Variants in MBOAT4 observed in about 807,000 individuals in gnomAD.
MBOAT4 encodes the protein membrane bound ghrelin O-acyltransferase MBOAT4, also known as membrane-bound ghrelin O-acyltransferase MBOAT4.
In MBOAT4, 11 loss-of-function variants were observed where a neutral mutation model predicts 13.2. The observed-to-expected ratio is 0.84, with a 90% confidence interval of 0.53 to 1.38. MBOAT4 has a LOEUF of 1.38. MBOAT4 is among the 40% of genes most tolerant of loss of function. MBOAT4 has a pLI of 0.00. For missense variants in MBOAT4, 481 were observed against 527.2 expected, an observed-to-expected ratio of 0.91 and a Z score of 0.86; for synonymous variants, 202 against 210.3, an observed-to-expected ratio of 0.96 and a Z score of 0.34.
intron 2 of MBOAT4, among the ~76,000 whole-genome samples, chr8:30,136,404 C>T (rs900770457): frequency 3.3e-5 from 5 of 152,178 alleles, no homozygotes; most frequent in Admixed American, 2.0e-4. Context: ...GCCCTGCTGA[C>T]GTCATCATCA....
At chr8:30,140,238 T>C (rs1803239592) in intron 1 of MBOAT4, among the ~76,000 whole-genome samples, 1 of 152,172 alleles carries the variant, frequency 6.6e-6, no homozygotes, top group Non-Finnish European at 1.5e-5. Flanking sequence ...AGTTTTGCCA[T>C]GTTGGCCAGG....
In MBOAT4 at chr8:30,138,832, G is replaced by A. The variant is rs1002256066; in HGVS notation, c.120-76C>T. On this transcript the variant is annotated intron_variant, in intron 1 of 2. Transcript: ENST00000320542. ...AGGAATTACTGCAGATGTCACTCCA[G>A]GGAACCCGATCTGGTAGGCCCCACA... is the stretch of plus-strand genomic sequence containing the variant. 16 of 1,180,974 alleles carry A rather than the reference G, an allele frequency of 1.4e-5. No individual in the cohort carries two copies. In the Admixed American group the frequency reaches 2.1e-4, roughly 15 times the overall value. 73.2% of individuals were successfully genotyped at this position (1,180,974 alleles called of 1,614,324 possible).
At chr8:30,135,157 G>T (rs1255256502) in intron 2 of MBOAT4, among the ~76,000 whole-genome samples, 1 of 151,822 alleles carries the variant, frequency 6.6e-6, no homozygotes, top group African/African-American at 2.4e-5. Flanking sequence ...CTCCCAAAGG[G>T]CTGGGATTAT....
chr8:30,141,662 G>C (rs1803262794), intron 1 of MBOAT4, among the ~76,000 whole-genome samples: 1 of 151,730 alleles, frequency 6.6e-6, no homozygotes, highest in Non-Finnish European at 1.5e-5. Flanking sequence ...AGAAAGAAAA[G>C]AAAAGCGAAA....
chr8:30,139,458 T>C (rs565377209), intron 1 of MBOAT4, among the ~76,000 whole-genome samples: 43 of 152,256 alleles, frequency 2.8e-4, no homozygotes, highest in Admixed American at 2.6e-3. Flanking sequence ...AAGAGCGCCC[T>C]AGGCATCCTC....
intron 1 of MBOAT4, among the ~76,000 whole-genome samples, chr8:30,144,139 A>ATT (rs67795918): frequency 0.81 from 120,684 of 148,688 alleles, 50,155 homozygotes; most frequent in Middle Eastern, 0.94. Flanking sequence ...GTATTTCTGA[A>ATT]TTTTTTTTTT....
intron 1 of MBOAT4, among the ~76,000 whole-genome samples, chr8:30,141,250 A>G (rs183170098): frequency 6.6e-6 from 1 of 152,278 alleles, no homozygotes; most frequent in Admixed American, 6.5e-5. Flanking sequence ...GAAGCTTCAC[A>G]TTACGCACAC....
chr8:30,144,475 C>T lies in MBOAT4; in HGVS notation c.119+8G>A. On this transcript the variant is annotated splice_region_variant and intron_variant, in intron 1 of 2. Coordinates refer to ENST00000320542, the MANE Select transcript of MBOAT4 (RefSeq NM_001100916.2). ...GGATGTAAGAGTAAAAATAGCCATC[C>T]AGCCTACCTGGCACGAGTGGAGAAT... The T allele has an allele frequency of 6.5e-7, 1 of 1,536,746 alleles. No individual in the cohort carries two copies. Among genetic ancestry groups the T allele is most frequent in the Non-Finnish European group, 8.8e-7 (1 of 1,134,310 alleles).
chr8:30,136,091 C>T (rs1803132948), intron 2 of MBOAT4, among the ~76,000 whole-genome samples: 1 of 152,132 alleles, frequency 6.6e-6, no homozygotes, highest in African/African-American at 2.4e-5. Flanking sequence ...AGGTAGCCTC[C>T]AAATGCCACC....
At chr8:30,134,514 A>G (rs1803098095) in intron 2 of MBOAT4, among the ~76,000 whole-genome samples, 1 of 152,034 alleles carries the variant, frequency 6.6e-6, no homozygotes, top group African/African-American at 2.4e-5. Context: ...TCCCACTGTA[A>G]TGCCCAATTC....
chr8:30,143,347 C>CAAAAAAAA (rs776274086), intron 1 of MBOAT4, among the ~76,000 whole-genome samples: 7 of 143,598 alleles, frequency 4.9e-5, no homozygotes, highest in African/African-American at 1.1e-4. Context: ...GACTCCGTCT[C>CAAAAAAAA]AAAAAAAAAA....
At chr8:30,144,440 T>C in intron 1 of MBOAT4, 43 bp downstream of exon 1, 1 of 1,405,776 alleles carries the variant, frequency 7.1e-7, no homozygotes, top group Non-Finnish European at 9.8e-7. Context: ...CCAGTCACTA[T>C]AGTATTTCTG....
In MBOAT4 at chr8:30,144,500, T is replaced by C; in HGVS notation, c.102A>G (p.Ser34=). 1 of 1,550,192 alleles carries C rather than the reference T, an allele frequency of 6.5e-7. No homozygotes were observed. Among genetic ancestry groups the C allele is most frequent in the East Asian group, 2.4e-5 (1 of 40,906 alleles). The part of the protein sequence containing the change: ...LLFNYLCIMD[S]FSTRARYLFL... ...CAGCCTACCTGGCACGAGTGGAGAA[T>C]GAATCCATGATGCAGAGATAATTGA... Residue 34 remains serine, a synonymous_variant, in exon 1 of 3, where the codon TCA becomes TCG. Transcript: ENST00000320542.
chr8:30,140,020 T>A (rs1803234590), intron 1 of MBOAT4, among the ~76,000 whole-genome samples: 1 of 152,136 alleles, frequency 6.6e-6, no homozygotes, highest in Non-Finnish European at 1.5e-5. Context: ...ATCTGCACAA[T>A]CACCGCAGAT....
Position 30,132,578 on chromosome 8 carries a change from C to T in MBOAT4, c.673G>A (p.Val225Met). ...LECLNVAVSRVVDAGAGLTDC... is the reference protein window; with the variant it reads ...LECLNVAVSRMVDAGAGLTDC... ...GTCAGTCCCGCTCCTGCATCCACCA[C>T]CCTGCTCACTGCCACGTTTAGGCAT... The change falls in exon 3 of 3, where the codon GTG becomes ATG. Residue 225 changes from valine (V) to methionine (M), a missense_variant. By Grantham distance (21) the Val-to-Met change is conservative. Coordinates refer to ENST00000320542, the MANE Select transcript of MBOAT4 (RefSeq NM_001100916.2). 2 of 1,551,670 alleles carry T rather than the reference C, an allele frequency of 1.3e-6. No individual in the cohort carries two copies. Among genetic ancestry groups the T allele is most frequent in the Admixed American group, 3.9e-5 (2 of 50,988 alleles).
At chr8:30,141,757 T>G (rs1803264533) in intron 1 of MBOAT4, among the ~76,000 whole-genome samples, 2 of 152,184 alleles carry the variant, frequency 1.3e-5, no homozygotes, top group Non-Finnish European at 2.9e-5. Flanking sequence ...CTCTACCAGC[T>G]CAGAACCAGG....
At chr8:30,138,211 C>G in intron 2 of MBOAT4, 1 of 206,226 alleles carries the variant, frequency 4.8e-6, no homozygotes, top group Non-Finnish European at 1.0e-5. Flanking sequence ...ATAAAACTGG[C>G]CTGTCTCCCG....
At position 30,131,930 on chromosome 8, in the gene MBOAT4, C is replaced by A. The variant is rs912593370; in HGVS notation, c.*13G>T. The A allele has an allele frequency of 1.3e-6, 2 of 1,535,764 alleles. No homozygotes were observed. Among genetic ancestry groups the A allele is most frequent in the South Asian group, 1.2e-5 (1 of 82,276 alleles). ...GTTTCCTGGGTGTTTAAGGTGAAAG[C>A]CAGGGAAAGATGTCAGTTACATTTG... On this transcript the variant is annotated 3_prime_UTR_variant, in exon 3 of 3. Transcript: ENST00000320542.
intron 1 of MBOAT4, among the ~76,000 whole-genome samples, chr8:30,139,358 C>G (rs1244050589): frequency 3.3e-5 from 5 of 152,164 alleles, no homozygotes; most frequent in Middle Eastern, 3.4e-3. Context: ...CCCTGACCGT[C>G]CTGGAAGTCT....
Sources: gnomAD v4.1 joint callset for allele counts (sites outside exome capture counted in the v4.1 genomes callset) on GRCh38, gnomAD v4.1.1 for gene constraint, MANE v1.5 for transcripts, NCBI Gene and HGNC (gene_info 2026-07-23, HGNC 2026-07-21) for gene names.